MSI2: variants seen among roughly 807,000 people sequenced by gnomAD.
The protein encoded by MSI2 is RNA-binding protein Musashi homolog 2.
A neutral mutation model predicts 45.6 loss-of-function variants in MSI2; 17 were observed. The observed-to-expected ratio is 0.37, with a 90% confidence interval of 0.26 to 0.56. MSI2 has a LOEUF of 0.56. MSI2 is among the 20% of genes least tolerant of loss of function. The probability of loss-of-function intolerance (pLI) is 0.77; values close to 1 mark genes in which losing one functional copy is unlikely to be tolerated. For synonymous variants in MSI2, 156 were observed against 158.2 expected, an observed-to-expected ratio of 0.99 and a Z score of 0.11; for missense variants, 293 against 444.2, an observed-to-expected ratio of 0.66 and a Z score of 3.06.
At chr17:57,537,272 C>T (rs1475709132) in intron 7 of MSI2, among the ~76,000 whole-genome samples, 1 of 152,048 alleles carries the variant, frequency 6.6e-6, no homozygotes, top group Non-Finnish European at 1.5e-5. Flanking sequence ...GGGCATGCTG[C>T]GTGCCCACCG....
chr17:57,556,877 C>T (rs1031727478), intron 7 of MSI2, among the ~76,000 whole-genome samples: 2 of 152,200 alleles, frequency 1.3e-5, no homozygotes, highest in Admixed American at 1.3e-4. Context: ...TATGTTTACC[C>T]TCCCAAATTA....
chr17:57,288,702 C>G (rs1374972949), intron 5 of MSI2, among the ~76,000 whole-genome samples: 3 of 152,162 alleles, frequency 2.0e-5, no homozygotes, highest in Non-Finnish European at 4.4e-5. Flanking sequence ...AGTGGTGTTA[C>G]AGGGAACGGA....
chr17:57,530,687 T>C (rs2086803983), intron 7 of MSI2, among the ~76,000 whole-genome samples: 1 of 152,148 alleles, frequency 6.6e-6, no homozygotes, highest in Non-Finnish European at 1.5e-5. Context: ...CATTTAGATG[T>C]TTCCTGTGTT....
chr17:57,469,893 G>A (rs1222835803), intron 6 of MSI2, among the ~76,000 whole-genome samples: 2 of 152,216 alleles, frequency 1.3e-5, no homozygotes, highest in South Asian at 2.1e-4. Context: ...CCCCTGTCCT[G>A]TGGTGCCCAC....
chr17:57,620,008 A>T (rs1795550793), intron 9 of MSI2, among the ~76,000 whole-genome samples: 1 of 152,128 alleles, frequency 6.6e-6, no homozygotes, highest in South Asian at 2.1e-4. Context: ...CCCAGACCCT[A>T]TCCAGCCCAA....
intron 5 of MSI2, among the ~76,000 whole-genome samples, chr17:57,381,593 C>G (rs2083599616): frequency 6.6e-6 from 1 of 152,216 alleles, no homozygotes; most frequent in African/African-American, 2.4e-5. Context: ...GGTGTCACTG[C>G]TGTCCTATAG....
chr17:57,296,917 C>A (rs1911007886), intron 5 of MSI2, among the ~76,000 whole-genome samples: 1 of 152,282 alleles, frequency 6.6e-6, no homozygotes, highest in Admixed American at 6.5e-5. Context: ...CTCTGTCGCC[C>A]AGGCTGGAGT....
At chr17:57,564,477 A>C (rs1196755856) in intron 7 of MSI2, among the ~76,000 whole-genome samples, 1 of 152,204 alleles carries the variant, frequency 6.6e-6, no homozygotes, top group Non-Finnish European at 1.5e-5. Context: ...GGAAACCACC[A>C]GTAAGCACAC....
At chr17:57,594,416 G>T (rs1035777604) in intron 7 of MSI2, among the ~76,000 whole-genome samples, 1 of 152,194 alleles carries the variant, frequency 6.6e-6, no homozygotes. Context: ...TGTTTTTAAG[G>T]CTCCTCCCAA....
intron 5 of MSI2, among the ~76,000 whole-genome samples, chr17:57,284,080 C>G (rs2143401304): frequency 6.6e-6 from 1 of 152,268 alleles, no homozygotes. Context: ...ATCGACACAG[C>G]CCCAGATTTA....
At chr17:57,649,211 A>AC (rs1910932983) in intron 10 of MSI2, among the ~76,000 whole-genome samples, 2 of 152,066 alleles carry the variant, frequency 1.3e-5, no homozygotes, top group African/African-American at 4.8e-5. Flanking sequence ...CTCAATATAC[A>AC]ACACACACAC....
intron 5 of MSI2, among the ~76,000 whole-genome samples, chr17:57,333,850 A>C (rs764894225): frequency 3.3e-5 from 5 of 151,986 alleles, no homozygotes; most frequent in African/African-American, 4.8e-5. Flanking sequence ...TTAGAAGATC[A>C]AGAAAAAGAT....
chr17:57,521,778 C>T lies in MSI2; in HGVS notation c.406-7898C>T, dbSNP rs1291025026. Among the ~76,000 whole-genome samples, 3 of 152,130 alleles carry T rather than the reference C, an allele frequency of 2.0e-5. No homozygotes were observed. The East Asian group carries it at 5.8e-4, about 29-fold the overall frequency. On this transcript the variant is annotated intron_variant, in intron 6 of 13. Coordinates refer to ENST00000284073, the MANE Select transcript of MSI2 (RefSeq NM_138962.4). ...TTTAAAAAATCCTCTTTCGGGCTGC[C>T]CACTCCAGAGTACTGATTTAATAGG...
At chr17:57,361,897 T>TCC (rs1916838850) in intron 5 of MSI2, among the ~76,000 whole-genome samples, 1 of 152,250 alleles carries the variant, frequency 6.6e-6, no homozygotes, top group Admixed American at 6.5e-5. Flanking sequence ...TCATTTTATA[T>TCC]ATGTGTATGG....
intron 5 of MSI2, chr17:57,365,171 C>T (rs1305214199): frequency 6.6e-6 from 1 of 152,112 alleles, no homozygotes. Context: ...TGAAAGGAAA[C>T]CTGAAGATCT....
intron 13 of MSI2, 104 bp from the exon 14 acceptor site, chr17:57,679,445 A>C: frequency 2.0e-6 from 1 of 499,124 alleles, no homozygotes; most frequent in Non-Finnish European, 2.7e-6. Flanking sequence ...ACTCTAGTTA[A>C]AACAGTGGAG....
In MSI2 at chr17:57,681,754, T is replaced by C. The variant is rs1047513; in HGVS notation, c.*2237T>C. ...TTTTCCCCCAAACAACCAGATTAAA[T>C]GCTGAGCGCTTTTAAAATATCAAAA... is the stretch of plus-strand genomic sequence containing the variant. On this transcript the variant is annotated 3_prime_UTR_variant, in exon 14 of 14. Transcript: ENST00000284073. 74,802 of 188,596 alleles carry C rather than the reference T, an allele frequency of 0.4. 15,697 individuals carry two copies. Among genetic ancestry groups the C allele is most frequent in the East Asian group, 0.61 (7,254 of 11,826 alleles). 11.7% of individuals were successfully genotyped at this position (188,596 alleles called of 1,614,324 possible).
chr17:57,296,882 T>C (rs1036551556), intron 5 of MSI2, among the ~76,000 whole-genome samples: 1 of 152,162 alleles, frequency 6.6e-6, no homozygotes, highest in African/African-American at 2.4e-5. Flanking sequence ...ATTAAGGCTT[T>C]TTTGTTTTTT....
chr17:57,403,640 T>C (rs2084031607), intron 6 of MSI2, among the ~76,000 whole-genome samples: 1 of 152,222 alleles, frequency 6.6e-6, no homozygotes, highest in South Asian at 2.1e-4. Context: ...TTTTTTTTCA[T>C]ACATAGGTTC....
Sources: allele counts gnomAD v4.1 joint callset (sites outside exome capture counted in the v4.1 genomes callset), GRCh38; gene constraint gnomAD v4.1.1; transcripts MANE v1.5; gene names NCBI Gene and HGNC (gene_info 2026-07-23, HGNC 2026-07-21).